The following CAPN13 variants were observed in gnomAD, a reference collection of about 807,000 sequenced individuals.
CAPN13 encodes calpain-13.
In CAPN13, 90 loss-of-function variants were observed where a neutral mutation model predicts 98.4. The observed-to-expected ratio is 0.92, with a 90% CI of 0.77 to 1.09. The LOEUF is 1.09. Ranked by LOEUF, CAPN13 falls within the 50% of genes least tolerant of loss-of-function variation. The probability of loss-of-function intolerance (pLI) is 0.00; values close to 1 mark genes in which losing one functional copy is unlikely to be tolerated. For synonymous variants in CAPN13, 330 were observed against 305.5 expected, an observed-to-expected ratio of 1.08 and a Z score of -0.84; for missense variants, 887 against 841.3, an observed-to-expected ratio of 1.05 and a Z score of -0.67.
intron 4 of CAPN13, among the ~76,000 whole-genome samples, chr2:30,771,649 A>G (rs960385712): frequency 3.9e-5 from 6 of 152,240 alleles, no homozygotes; most frequent in Non-Finnish European, 8.8e-5. Flanking sequence ...AGCTAATCCC[A>G]GTCCCCAGAA....
intron 1 of CAPN13, among the ~76,000 whole-genome samples, chr2:30,800,115 GA>G (rs1202719171): frequency 3.7e-4 from 20 of 54,704 alleles, no homozygotes; most frequent in African/African-American, 9.0e-4. Flanking sequence ...AGAAAAGAAA[GA>G]AAAGAAAGAA....
chr2:30,734,608 C>T, intron 18 of CAPN13, 84 bp from the exon 19 acceptor site: 1 of 1,117,596 alleles, frequency 8.9e-7, no homozygotes, highest in Non-Finnish European at 1.3e-6. Context: ...GCTTGCTTCC[C>T]TAAACCTCAG....
chr2:30,758,783 T>G (rs1187014961), intron 7 of CAPN13, among the ~76,000 whole-genome samples: 1 of 28,708 alleles, frequency 3.5e-5, no homozygotes, highest in East Asian at 6.4e-4. Context: ...CCTCCCTCCC[T>G]CCCTTTCCTT....
chr2:30,790,964 C>T (rs944174253), intron 1 of CAPN13, among the ~76,000 whole-genome samples: 3 of 151,930 alleles, frequency 2.0e-5, no homozygotes, highest in Admixed American at 6.6e-5. Flanking sequence ...CTCTTTTAAG[C>T]TTAATTGCCT....
rs1465612536 is a variant in CAPN13, at chr2:30,787,184, C to A, written c.142G>T (p.Gly48Cys). 3 of 1,596,246 alleles carry A rather than the reference C, an allele frequency of 1.9e-6. No homozygotes were observed. In the African/African-American group the frequency reaches 4.0e-5, roughly 21 times the overall value. Reference sequence around the variant, plus strand: ...CGTTTTTCCTGGAGCAGCTTCTGGCCTATGGAAGAATCTGCTGCAGGGAAT... The same window carrying A: ...CGTTTTTCCTGGAGCAGCTTCTGGCATATGGAAGAATCTGCTGCAGGGAAT... ...ETFPAADSSI[G>C]QKLLQEKRLS... The change falls in exon 2 of 23, where the codon GGC becomes TGC. Residue 48 changes from glycine (G) to cysteine (C), a missense_variant. Coordinates refer to ENST00000295055, the MANE Select transcript of CAPN13 (RefSeq NM_144575.3).
chr2:30,794,538 C>T (rs1674760127), intron 1 of CAPN13, among the ~76,000 whole-genome samples: 1 of 151,826 alleles, frequency 6.6e-6, no homozygotes, highest in African/African-American at 2.4e-5. Context: ...CCAGCCATTC[C>T]AGTCCTAGGA....
At chr2:30,758,814 TTCCTC>T (rs1672622457) in intron 7 of CAPN13, among the ~76,000 whole-genome samples, 1 of 81,038 alleles carries the variant, frequency 1.2e-5, no homozygotes, top group African/African-American at 5.6e-5. Context: ...CTCCCTTCCC[TTCCTC>T]CCTTCCTTCC....
At chr2:30,795,222 A>G (rs12621658) in intron 1 of CAPN13, among the ~76,000 whole-genome samples, 17,753 of 151,992 alleles carry the variant, frequency 0.12, 1,338 homozygotes, top group Non-Finnish European at 0.16. Context: ...AAATAATGCT[A>G]TAAATGTTAT....
At chr2:30,791,639 T>C (rs1386036397) in intron 1 of CAPN13, among the ~76,000 whole-genome samples, 1 of 152,252 alleles carries the variant, frequency 6.6e-6, no homozygotes, top group African/African-American at 2.4e-5. Context: ...TGGAGAACTT[T>C]TATTAACATT....
At chr2:30,759,158 C>T (rs1672687155) in intron 7 of CAPN13, among the ~76,000 whole-genome samples, 1 of 112,482 alleles carries the variant, frequency 8.9e-6, no homozygotes, top group Admixed American at 9.1e-5. Context: ...TTCCTTTTTT[C>T]CTCCCTCCCT....
intron 11 of CAPN13, among the ~76,000 whole-genome samples, chr2:30,750,498 T>C (rs1384087752): frequency 6.6e-6 from 1 of 151,722 alleles, no homozygotes; most frequent in African/African-American, 2.4e-5. Flanking sequence ...AGAGCCTAGG[T>C]GGAAAGGAAA....
chr2:30,783,373 C>T (rs11675229), intron 2 of CAPN13, among the ~76,000 whole-genome samples: 75,824 of 151,796 alleles, frequency 0.5, 20,145 homozygotes, highest in South Asian at 0.65. Flanking sequence ...TGGGCTACTG[C>T]GGAGCCTGGC....
intron 2 of CAPN13, among the ~76,000 whole-genome samples, chr2:30,782,708 C>A (rs1288611306): frequency 1.3e-5 from 2 of 152,288 alleles, no homozygotes; most frequent in African/African-American, 4.8e-5. Flanking sequence ...ACCTGTTAAG[C>A]AACGTGCTTG....
intron 12 of CAPN13, 142 bp downstream of exon 12, chr2:30,745,580 CT>C (rs1558620015): frequency 1.2e-5 from 9 of 752,014 alleles, no homozygotes; most frequent in Non-Finnish European, 1.9e-5. Context: ...TTTGGGGATT[CT>C]AGGCCTGTGT....
At position 30,763,123 on chromosome 2, in the gene CAPN13, G is replaced by C. The variant is rs1461075337; in HGVS notation, c.733C>G (p.Leu245Val). ...TDTAQAMENG[L>V]VSLHAYTVTG... The stretch of plus-strand genomic sequence containing the variant: ...ACAGTGTAGGCATGGAGACTCACCA[G>C]CCCATTCTCCATCGCCTGTGCTGTA... Residue 245 changes from leucine (L) to valine (V), a missense_variant, in exon 7 of 23, where the codon CTG becomes GTG. Transcript: ENST00000295055. 1.2e-6 allele frequency: 2 copies of C among 1,611,490 alleles called. No individual in the cohort carries two copies. The highest frequency in any genetic ancestry group is 2.7e-5 in the African/African-American group (2 of 74,908).
chr2:30,750,874 G>A (rs185054663), intron 11 of CAPN13, among the ~76,000 whole-genome samples: 227 of 152,312 alleles, frequency 1.5e-3, no homozygotes, highest in African/African-American at 5.2e-3. Flanking sequence ...GCTGACAGGC[G>A]ACACGGGCAG....
At position 30,743,536 on chromosome 2, in the gene CAPN13, C is replaced by T. The variant is rs767867553; in HGVS notation, c.1292G>A (p.Arg431Lys). The T allele has an allele frequency of 3.7e-6, 6 of 1,613,838 alleles. No homozygotes were observed. The African/African-American group carries it at 8.0e-5, about 22-fold the overall frequency. The change falls in exon 13 of 23, where the codon AGA (arginine) becomes AAA (lysine). Residue 431 changes from arginine to lysine, a missense_variant. Physicochemically the swap from Arg to Lys is conservative, Grantham distance 26. Transcript: ENST00000295055. The part of the protein sequence containing the change: ...KFPPVFFSSF[R>K]NTVQSSNNKF... ...ATTATTTGAGCTTTGGACAGTGTTT[C>T]TGAACGAGGAAAAAAACACGGGTGG... is the stretch of plus-strand genomic sequence containing the variant.
At chr2:30,804,262 G>C (rs907898852) in intron 1 of CAPN13, among the ~76,000 whole-genome samples, 1 of 152,078 alleles carries the variant, frequency 6.6e-6, no homozygotes, top group Admixed American at 6.6e-5. Flanking sequence ...GTGCAGTGGC[G>C]CAACCTCGGC....
At chr2:30,777,543 G>A (rs745962800) in intron 3 of CAPN13, 24 bp downstream of exon 3, 22 of 1,555,872 alleles carry the variant, frequency 1.4e-5, no homozygotes, top group East Asian at 4.7e-5. Context: ...TCCAGGGCAC[G>A]GAGGGAAGAT....
Sources: allele counts gnomAD v4.1 joint callset (sites outside exome capture counted in the v4.1 genomes callset), GRCh38; gene constraint gnomAD v4.1.1; transcripts MANE v1.5; gene names NCBI Gene and HGNC (gene_info 2026-07-23, HGNC 2026-07-21).